MYOM1: variants seen among roughly 807,000 people sequenced by gnomAD.
MYOM1 encodes the protein myomesin 1.
Under a neutral mutation model 205.3 loss-of-function variants are expected in MYOM1, and 164 were observed. The observed-to-expected ratio is 0.80, with a 90% CI of 0.70 to 0.91. The LOEUF is 0.91. Ranked by LOEUF, MYOM1 falls within the 40% of genes least tolerant of loss-of-function variation. MYOM1 has a pLI of 0.00. For synonymous variants in MYOM1, 772 were observed against 789.4 expected, an observed-to-expected ratio of 0.98 and a Z score of 0.37; for missense variants, 2,011 against 2,127.3, an observed-to-expected ratio of 0.95 and a Z score of 1.08.
At chr18:3,137,534 T>C (rs573491190) in intron 14 of MYOM1, among the ~76,000 whole-genome samples, 3 of 152,240 alleles carry the variant, frequency 2.0e-5, no homozygotes, top group East Asian at 1.9e-4. Context: ...ATGAATATAA[T>C]TGGAGGTCGC....
intron 6 of MYOM1, among the ~76,000 whole-genome samples, chr18:3,175,170 C>A (rs577318893): frequency 2.0e-5 from 3 of 152,218 alleles, no homozygotes; most frequent in African/African-American, 7.2e-5. Flanking sequence ...TTAGCAGAAC[C>A]ACCCACTGGC....
the MYOM1 span, among the ~76,000 whole-genome samples, chr18:3,231,484 CCT>C: frequency 2.6e-5 from 4 of 151,670 alleles, no homozygotes; most frequent in Non-Finnish European, 5.9e-5. Flanking sequence ...CTTCAAACTA[CCT>C]CTGTTTTCAG....
chr18:3,094,066 C>T, intron 26 of MYOM1, 104 bp downstream of exon 26: 1 of 1,194,704 alleles, frequency 8.4e-7, no homozygotes, highest in South Asian at 1.6e-5. Flanking sequence ...CTCTCCCACT[C>T]CACCACCCAG....
chr18:3,173,482 C>T (rs1264021602), intron 8 of MYOM1, among the ~76,000 whole-genome samples: 2 of 151,564 alleles, frequency 1.3e-5, no homozygotes, highest in Admixed American at 6.6e-5. Context: ...GGTGTAGGGG[C>T]GGCAGTGGGG....
chr18:3,071,115 T>TA (rs1418322242), intron 37 of MYOM1, among the ~76,000 whole-genome samples: 6 of 151,898 alleles, frequency 4.0e-5, no homozygotes, highest in Non-Finnish European at 8.8e-5. Flanking sequence ...AAAAAATTAT[T>TA]AAAAAAAGAA....
chr18:3,137,973 T>G (rs892912898), intron 14 of MYOM1, among the ~76,000 whole-genome samples: 28 of 152,164 alleles, frequency 1.8e-4, no homozygotes, highest in African/African-American at 6.8e-4. Context: ...AAAAAAGATG[T>G]TCTCTTTTTT....
At chr18:3,191,262 T>C (rs2080900627) in intron 3 of MYOM1, among the ~76,000 whole-genome samples, 1 of 152,224 alleles carries the variant, frequency 6.6e-6, no homozygotes, top group South Asian at 2.1e-4. Context: ...GGAATATAAG[T>C]GGAAATTTCA....
chr18:3,141,184 G>A (rs2080043839), intron 14 of MYOM1, among the ~76,000 whole-genome samples: 1 of 152,164 alleles, frequency 6.6e-6, no homozygotes, highest in African/African-American at 2.4e-5. Context: ...AGTCAGTTCT[G>A]CCGAAATAAT....
chr18:3,154,816 G>A (rs1439278015), intron 11 of MYOM1, 131 bp downstream of exon 11: 1 of 960,308 alleles, frequency 1.0e-6, no homozygotes, highest in African/African-American at 1.7e-5. Flanking sequence ...AAGATGAAGA[G>A]AGATACAGAA....
At chr18:3,074,306 G>C (rs1370572437) in intron 36 of MYOM1, among the ~76,000 whole-genome samples, 1 of 152,138 alleles carries the variant, frequency 6.6e-6, no homozygotes, top group African/African-American at 2.4e-5. Flanking sequence ...GTGGAGAAGG[G>C]AGTGGAGGGG....
intron 16 of MYOM1, 35 bp downstream of exon 16, chr18:3,134,615 G>A (rs2079927373): frequency 6.4e-7 from 1 of 1,574,754 alleles, no homozygotes; most frequent in South Asian, 1.2e-5. Context: ...CAGCTCCAGA[G>A]GCCATTGCCC....
rs763189783 is a variant in MYOM1, at chr18:3,067,435, C to T, written c.4885G>A (p.Ala1629Thr). The T allele has an allele frequency of 7.4e-6, 12 of 1,613,558 alleles. No individual in the cohort carries two copies. The highest frequency in any genetic ancestry group is 1.7e-4 in the Middle Eastern group (1 of 5,778). ...CTCACGCCGTTGATGGTGAAGTACGCGGTCCTCCCAGCCTCGAACTTGAGG... is the reference window on the plus strand; with the variant it reads ...CTCACGCCGTTGATGGTGAAGTACGTGGTCCTCCCAGCCTCGAACTTGAGG... Reference protein sequence around the residue: ...CNLKFEAGRTAYFTINGVSTA... With the variant: ...CNLKFEAGRTTYFTINGVSTA... Residue 1629 changes from alanine to threonine, a missense_variant, in exon 38 of 38, where the codon GCG becomes ACG. Physicochemically the swap from Ala to Thr is moderately conservative, Grantham distance 58. Transcript: ENST00000356443.
intron 22 of MYOM1, among the ~76,000 whole-genome samples, chr18:3,111,794 A>G (rs2079531216): frequency 6.6e-6 from 1 of 152,224 alleles, no homozygotes; most frequent in East Asian, 1.9e-4. Flanking sequence ...GTTGTGACAG[A>G]GACCACAGGG....
chr18:3,188,638 A>G, intron 4 of MYOM1, 110 bp downstream of exon 4: 2 of 1,235,596 alleles, frequency 1.6e-6, no homozygotes, highest in Non-Finnish European at 2.2e-6. Flanking sequence ...CAAAAGGAAA[A>G]AAAAAAAGAA....
chr18:3,081,956 A>G (rs1341276320), intron 33 of MYOM1, among the ~76,000 whole-genome samples: 1 of 152,158 alleles, frequency 6.6e-6, no homozygotes, highest in African/African-American at 2.4e-5. Context: ...GGCACCAGGG[A>G]CCGGTTTCAT....
intron 25 of MYOM1, among the ~76,000 whole-genome samples, chr18:3,097,943 C>A (rs2079326500): frequency 6.6e-6 from 1 of 152,194 alleles, no homozygotes; most frequent in South Asian, 2.1e-4. Context: ...CCAGGGAGGC[C>A]TGGGCATCTT....
chr18:3,166,194 A>G (rs9965053), intron 9 of MYOM1, among the ~76,000 whole-genome samples: 14,141 of 151,198 alleles, frequency 0.094, 1,451 homozygotes, highest in African/African-American at 0.26. Flanking sequence ...AAATGGCACC[A>G]TTCACAGGCC....
intron 2 of MYOM1, among the ~76,000 whole-genome samples, chr18:3,199,117 C>T (rs1169171489): frequency 6.6e-6 from 1 of 152,212 alleles, no homozygotes; most frequent in Non-Finnish European, 1.5e-5. Flanking sequence ...TCTCCCATCC[C>T]TTACCCCCAG....
chr18:3,124,309 T>TC, intron 19 of MYOM1, among the ~76,000 whole-genome samples: 1 of 148,476 alleles, frequency 6.7e-6, no homozygotes, highest in Non-Finnish European at 1.5e-5. Context: ...TTTTCTTTTT[T>TC]TTTTTTTTTG....
Sources: allele counts gnomAD v4.1 joint callset (sites outside exome capture counted in the v4.1 genomes callset), GRCh38; gene constraint gnomAD v4.1.1; transcripts MANE v1.5; gene names NCBI Gene and HGNC (gene_info 2026-07-23, HGNC 2026-07-21).